Variants in SHOC2 observed in about 807,000 individuals in gnomAD.
The protein encoded by SHOC2 is SHOC2 leucine rich repeat scaffold protein, also known as leucine-rich repeat protein SHOC-2.
In SHOC2, 4 loss-of-function variants were observed where a neutral mutation model predicts 50.2. The ratio of observed to expected loss-of-function variants is 0.08; its 90% CI spans 0.04 to 0.18. The LOEUF (loss-of-function observed/expected upper bound fraction) is 0.18, where lower values mean the gene tolerates loss of function less well. Among genes scored for constraint, SHOC2 ranks in the 10% least tolerant of loss-of-function variants. SHOC2 has a pLI of 1.00. For synonymous variants in SHOC2, 218 were observed against 244.5 expected (o/e 0.89, Z 1.01); for missense variants, 388 against 669.6 (o/e 0.58, Z 4.64).
intron 1 of SHOC2, among the ~76,000 whole-genome samples, chr10:110,933,304 A>T (rs1252549762): frequency 6.6e-6 from 1 of 152,136 alleles, no homozygotes; most frequent in East Asian, 1.9e-4. Context: ...AATCACCTGT[A>T]ATTGAAGGAT....
chr10:110,981,782 TTAATCC>T (rs1479605492), intron 2 of SHOC2, among the ~76,000 whole-genome samples: 1 of 152,100 alleles, frequency 6.6e-6, no homozygotes, highest in Non-Finnish European at 1.5e-5. Flanking sequence ...ATATCTGGAA[TTAATCC>T]TAATCATTCT....
intron 2 of SHOC2, among the ~76,000 whole-genome samples, chr10:110,970,600 T>C: frequency 6.6e-6 from 1 of 152,156 alleles, no homozygotes; most frequent in East Asian, 1.9e-4. Context: ...GTGTTTTGAG[T>C]AACCTTCATA....
At position 111,001,101 on chromosome 10, in the gene SHOC2, A is replaced by G. The variant is rs981980629; in HGVS notation, c.972+556A>G. Among the ~76,000 whole-genome samples the G allele has an allele frequency of 2.7e-5, 4 of 146,482 alleles. No individual in the cohort carries two copies. In the East Asian group the frequency reaches 5.9e-4, roughly 22 times the overall value. On this transcript the variant is annotated intron_variant, in intron 4 of 8. Coordinates refer to ENST00000369452, the MANE Select transcript of SHOC2 (RefSeq NM_007373.4). Reference sequence around the variant, plus strand: ...CACATTTTTAGGTTTTGTTGATTCTATTAGAAAAATATTTTCACTTATTTT... The same window carrying G: ...CACATTTTTAGGTTTTGTTGATTCTGTTAGAAAAATATTTTCACTTATTTT...
At chr10:110,923,664 A>G (rs1405247136) in intron 1 of SHOC2, among the ~76,000 whole-genome samples, 2 of 133,532 alleles carry the variant, frequency 1.5e-5, no homozygotes, top group African/African-American at 4.9e-5. Flanking sequence ...CATGCTCTAA[A>G]ATGTAAGGAT....
chr10:110,934,198 T>G (rs951171941), intron 1 of SHOC2, among the ~76,000 whole-genome samples: 2 of 152,194 alleles, frequency 1.3e-5, no homozygotes, highest in Non-Finnish European at 2.9e-5. Flanking sequence ...GACCTGACAG[T>G]TCTACTTTCA....
At chr10:110,936,999 TG>T in intron 1 of SHOC2, 1 of 1,478,642 alleles carries the variant, frequency 6.8e-7, no homozygotes, top group Non-Finnish European at 9.4e-7. Context: ...AGCCAGAAGA[TG>T]GGGCTGGGGG....
At chr10:110,963,983 G>A (rs1285981848) in intron 1 of SHOC2, 142 bp from the exon 2 acceptor site, 1 of 386,724 alleles carries the variant, frequency 2.6e-6, no homozygotes, top group Non-Finnish European at 4.5e-6. Context: ...AGTTTTAAAT[G>A]GATTTTTACC....
At chr10:111,006,670 G>A (rs556691943) in intron 5 of SHOC2, among the ~76,000 whole-genome samples, 33 of 152,238 alleles carry the variant, frequency 2.2e-4, no homozygotes, top group African/African-American at 6.3e-4. Context: ...ACGCCCGGCC[G>A]CAAATTTTAA....
chr10:111,009,400 G>T lies in SHOC2; in HGVS notation c.1422+15G>T, dbSNP rs368190137. The T allele has an allele frequency of 1.3e-6, 2 of 1,598,488 alleles. No homozygotes were observed. The highest frequency in any genetic ancestry group is 4.5e-5 in the East Asian group (2 of 44,604). On this transcript the variant is annotated intron_variant, in intron 7 of 8. Transcript: ENST00000369452. The stretch of plus-strand genomic sequence containing the variant: ...AGGATTTACAGGTAAACATTATGCT[G>T]ATTTTGTAGTTTTATAAAGTTTTTG...
At chr10:111,000,383 A>C in intron 3 of SHOC2, 32 bp from the exon 4 acceptor site, 1 of 1,611,696 alleles carries the variant, frequency 6.2e-7, no homozygotes, top group East Asian at 2.2e-5. Flanking sequence ...ATTTTGTAAA[A>C]AATAAATTTC....
In SHOC2 at chr10:110,949,629, G is replaced by GA. The variant is rs573266055; in HGVS notation, c.-234-14486dup. Among the ~76,000 whole-genome samples, 508 of 148,016 alleles carry GA rather than the reference G, an allele frequency of 3.4e-3. 26 individuals are homozygous for GA. The South Asian group carries it at 0.094, about 27-fold the overall frequency. ...CCAAAGCCAAACAAGGACACTAAAAGAAAAAAAAAATACAGGTCAGTATCT... is the reference window on the plus strand; with the variant it reads ...CCAAAGCCAAACAAGGACACTAAAAGAAAAAAAAAAATACAGGTCAGTATCT... On this transcript the variant is annotated intron_variant, in intron 1 of 8. Coordinates refer to ENST00000369452, the MANE Select transcript of SHOC2 (RefSeq NM_007373.4).
At chr10:110,973,881 CTA>C (rs1018921122) in intron 2 of SHOC2, among the ~76,000 whole-genome samples, 9 of 149,386 alleles carry the variant, frequency 6.0e-5, no homozygotes, top group Admixed American at 6.7e-5. Flanking sequence ...TATATATACA[CTA>C]TATATATATA....
chr10:110,998,783 A>G (rs1374365819), intron 3 of SHOC2, among the ~76,000 whole-genome samples: 1 of 152,194 alleles, frequency 6.6e-6, no homozygotes, highest in African/African-American at 2.4e-5. Context: ...TTGAAAATGT[A>G]AAGGCTAAAA....
intron 2 of SHOC2, among the ~76,000 whole-genome samples, chr10:110,967,878 A>G (rs1216573244): frequency 6.6e-6 from 1 of 152,152 alleles, no homozygotes; most frequent in Non-Finnish European, 1.5e-5. Context: ...ATCAGTTGTC[A>G]GACATTTGGG....
At chr10:110,925,999 CTA>C (rs1846763706) in intron 1 of SHOC2, among the ~76,000 whole-genome samples, 1 of 152,136 alleles carries the variant, frequency 6.6e-6, no homozygotes, top group Non-Finnish European at 1.5e-5. Context: ...TTATAGGAAA[CTA>C]AAACTATCTG....
chr10:110,962,942 T>C (rs1160406787), intron 1 of SHOC2, among the ~76,000 whole-genome samples: 1 of 152,234 alleles, frequency 6.6e-6, no homozygotes, highest in Non-Finnish European at 1.5e-5. Flanking sequence ...GTGTTTTGGC[T>C]GTCTAATTAA....
chr10:110,983,015 AC>A (rs1848012119), intron 2 of SHOC2, among the ~76,000 whole-genome samples: 1 of 152,136 alleles, frequency 6.6e-6, no homozygotes, highest in African/African-American at 2.4e-5. Context: ...TGGCAGTAGT[AC>A]TATTCAGGTT....
intron 1 of SHOC2, among the ~76,000 whole-genome samples, chr10:110,948,177 G>T (rs890141649): frequency 6.6e-6 from 1 of 152,142 alleles, no homozygotes; most frequent in South Asian, 2.1e-4. Context: ...AGATATAATA[G>T]TTGTAAATAT....
chr10:111,004,400 T>G (rs1422076788), intron 4 of SHOC2, among the ~76,000 whole-genome samples: 1 of 152,216 alleles, frequency 6.6e-6, no homozygotes, highest in Non-Finnish European at 1.5e-5. Flanking sequence ...GAAGTCTACA[T>G]TGGTTCCACA....
Sources: allele counts gnomAD v4.1 joint callset (sites outside exome capture counted in the v4.1 genomes callset), GRCh38; gene constraint gnomAD v4.1.1; transcripts MANE v1.5; gene names NCBI Gene and HGNC (gene_info 2026-07-23, HGNC 2026-07-21).